Variants in ATP9A observed in about 807,000 individuals in gnomAD.
ATP9A encodes the protein ATPase phospholipid transporting 9A.
In ATP9A, 52 loss-of-function variants were observed where a neutral mutation model predicts 144.1. The ratio of observed to expected loss-of-function variants is 0.36; its 90% CI spans 0.29 to 0.45. The LOEUF (loss-of-function observed/expected upper bound fraction) is 0.45, where lower values mean the gene tolerates loss of function less well. ATP9A is among the 20% of genes least tolerant of loss of function. The pLI, the probability that ATP9A is intolerant of heterozygous loss-of-function variation, is 1.00. For synonymous variants in ATP9A, 582 were observed against 557.4 expected, an observed-to-expected ratio of 1.04 and a Z score of -0.62; for missense variants, 947 against 1,392.7, an observed-to-expected ratio of 0.68 and a Z score of 5.09.
chr20:51,706,975 T>A (rs1406523982), intron 4 of ATP9A, among the ~76,000 whole-genome samples: 15 of 152,112 alleles, frequency 9.9e-5, no homozygotes, highest in Admixed American at 3.9e-4. Context: ...GCCTGTGTGG[T>A]CTTCTCTGGA....
intron 1 of ATP9A, among the ~76,000 whole-genome samples, chr20:51,731,606 C>A (rs1254233596): frequency 6.6e-6 from 1 of 151,874 alleles, no homozygotes; most frequent in Non-Finnish European, 1.5e-5. Flanking sequence ...ATAATCCCAG[C>A]TACCAGGGAG....
At chr20:51,607,667 G>C (rs3818004) in intron 25 of ATP9A, 83 bp from the exon 26 acceptor site, 1 of 1,076,400 alleles carries the variant, frequency 9.3e-7, no homozygotes, top group Non-Finnish European at 1.4e-6. Flanking sequence ...TTATTCTCCC[G>C]CTAACGAGAT....
chr20:51,764,168 A>G (rs894991714), intron 1 of ATP9A, among the ~76,000 whole-genome samples: 3 of 152,234 alleles, frequency 2.0e-5, no homozygotes, highest in Admixed American at 6.5e-5. Context: ...AGATGAAACA[A>G]CTGAGACTCA....
intron 1 of ATP9A, among the ~76,000 whole-genome samples, chr20:51,747,698 T>C (rs1307126730): frequency 6.6e-6 from 1 of 152,160 alleles, no homozygotes; most frequent in Non-Finnish European, 1.5e-5. Context: ...TGTTTCTCCA[T>C]CTCTGAGTCT....
At chr20:51,755,594 T>G (rs542045866) in intron 1 of ATP9A, among the ~76,000 whole-genome samples, 1 of 152,304 alleles carries the variant, frequency 6.6e-6, no homozygotes, top group African/African-American at 2.4e-5. Flanking sequence ...AATTATCATT[T>G]TCTTCTAAAG....
chr20:51,680,660 C>A (rs980728935), intron 9 of ATP9A, among the ~76,000 whole-genome samples: 2 of 151,896 alleles, frequency 1.3e-5, no homozygotes, highest in African/African-American at 4.8e-5. Flanking sequence ...ACCTGTTAAC[C>A]GAGAGGCAAG....
chr20:51,748,053 G>A (rs1223447864), intron 1 of ATP9A, among the ~76,000 whole-genome samples: 1 of 152,186 alleles, frequency 6.6e-6, no homozygotes, highest in Non-Finnish European at 1.5e-5. Flanking sequence ...ACAAGGAGAG[G>A]AGGAAGCAGT....
At chr20:51,646,053 G>A (rs897053237) in intron 14 of ATP9A, among the ~76,000 whole-genome samples, 2 of 152,286 alleles carry the variant, frequency 1.3e-5, no homozygotes, top group South Asian at 4.1e-4. Context: ...TAGAAAGGGC[G>A]GGGAGGGGAT....
chr20:51,622,224 T>G, intron 18 of ATP9A, 52 bp from the exon 19 acceptor site: 5 of 1,443,040 alleles, frequency 3.5e-6, no homozygotes, highest in Non-Finnish European at 4.9e-6. Flanking sequence ...GAGGCCGGCC[T>G]GTCATCTGCA....
chr20:51,763,479 AT>A (rs1311123585), intron 1 of ATP9A, among the ~76,000 whole-genome samples: 1 of 151,558 alleles, frequency 6.6e-6, no homozygotes, highest in Non-Finnish European at 1.5e-5. Flanking sequence ...CACCCAGCTA[AT>A]TTTTTGTATT....
intron 14 of ATP9A, among the ~76,000 whole-genome samples, chr20:51,647,694 C>A (rs1433365218): frequency 6.6e-6 from 1 of 152,068 alleles, no homozygotes; most frequent in African/African-American, 2.4e-5. Context: ...TGCACCTTTG[C>A]ACTCCAGCCT....
intron 14 of ATP9A, among the ~76,000 whole-genome samples, chr20:51,648,887 A>G (rs2077352833): frequency 6.6e-6 from 1 of 152,176 alleles, no homozygotes; most frequent in Non-Finnish European, 1.5e-5. Flanking sequence ...TTGCAGCAAC[A>G]TAGGTGGAAC....
intron 18 of ATP9A, among the ~76,000 whole-genome samples, chr20:51,623,049 CAGA>C (rs531276641): frequency 1.2e-4 from 18 of 152,078 alleles, no homozygotes; most frequent in Non-Finnish European, 2.2e-4. Flanking sequence ...CCAAGGGTCA[CAGA>C]AGAAGTAAAG....
At position 51,685,578 on chromosome 20, in the gene ATP9A, A is replaced by C. The variant is rs1047690812; in HGVS notation, c.799+3486T>G. On this transcript the variant is annotated intron_variant, in intron 9 of 27. Transcript: ENST00000338821. The stretch of plus-strand genomic sequence containing the variant: ...GACTCAGTCTCAGAAAAAAAAGAAA[A>C]GAAAAAAGAAAAGAAAAGAAAAACA... 3.1e-5 allele frequency among the ~76,000 whole-genome samples: 4 copies of C among 127,538 alleles called. No individual in the cohort carries two copies. In the Admixed American group the frequency reaches 3.2e-4, roughly 10 times the overall value. 83.7% of individuals were successfully genotyped at this position (127,538 alleles called of 152,430 possible).
rs971984398 is a variant in ATP9A at position 51,629,200 on chromosome 20, G to A, written c.1669-128C>T. ...GACACCAATGTTTTTTCAGTTGGCT[G>A]AAGATGAAAAGCGAGAAGGGGCCTC... is the stretch of plus-strand genomic sequence containing the variant. On this transcript the variant is annotated intron_variant, in intron 15 of 27. Coordinates refer to ENST00000338821, the MANE Select transcript of ATP9A (RefSeq NM_006045.3). 9 of 626,200 alleles carry A rather than the reference G, an allele frequency of 1.4e-5. No homozygotes were observed. The East Asian group carries it at 2.5e-4, about 17-fold the overall frequency. 38.8% of individuals were successfully genotyped at this position (626,200 alleles called of 1,614,324 possible).
Position 51,629,136 on chromosome 20 carries a change from C to G in ATP9A, c.1669-64G>C, listed in dbSNP as rs1200349996. 1.1e-5 allele frequency: 15 copies of G among 1,342,568 alleles called. No homozygotes were observed. The Admixed American group carries it at 1.7e-4, about 15-fold the overall frequency. 83.2% of individuals were successfully genotyped at this position (1,342,568 alleles called of 1,614,324 possible). On this transcript the variant is annotated intron_variant, in intron 15 of 27. Coordinates refer to ENST00000338821, the MANE Select transcript of ATP9A (RefSeq NM_006045.3). The stretch of plus-strand genomic sequence containing the variant: ...AACACCCTCTTTCAGCGGCAAAGCC[C>G]GCTTCCCATGACAGACAGTGTACAA...
At chr20:51,656,593 T>G (rs1387996092) in intron 14 of ATP9A, among the ~76,000 whole-genome samples, 1 of 152,052 alleles carries the variant, frequency 6.6e-6, no homozygotes, top group Non-Finnish European at 1.5e-5. Context: ...TTTAAATAGG[T>G]AGACTGTATG....
intron 1 of ATP9A, among the ~76,000 whole-genome samples, chr20:51,739,652 G>T (rs1008062768): frequency 2.6e-5 from 4 of 152,026 alleles, no homozygotes; most frequent in Non-Finnish European, 5.9e-5. Flanking sequence ...TTTCCCAGGG[G>T]TTTAGCTGAG....
At chr20:51,658,884 C>CTGGCGG (rs1322261862) in intron 13 of ATP9A, among the ~76,000 whole-genome samples, 4 of 2,626 alleles carry the variant, frequency 1.5e-3, no homozygotes, top group Non-Finnish European at 3.9e-3. Context: ...ATTAAGACCA[C>CTGGCGG]TGGCGGGGGG....
Sources: allele counts gnomAD v4.1 joint callset (sites outside exome capture counted in the v4.1 genomes callset), GRCh38; gene constraint gnomAD v4.1.1; transcripts MANE v1.5; gene names NCBI Gene and HGNC (gene_info 2026-07-23, HGNC 2026-07-21).